Variants in GABRB1 observed in about 807,000 individuals in gnomAD.
GABRB1 encodes gamma-aminobutyric acid receptor subunit beta-1.
In GABRB1, 17 loss-of-function variants were observed where a neutral mutation model predicts 51.6. That is an observed-to-expected ratio of 0.33 (90% CI 0.23 to 0.49). The LOEUF is 0.49. Ranked by LOEUF, GABRB1 falls within the 20% of genes least tolerant of loss-of-function variation. GABRB1 has a pLI of 0.99. For synonymous variants in GABRB1, 247 were observed against 218.9 expected, an observed-to-expected ratio of 1.13 and a Z score of -1.14; for missense variants, 410 against 600.6, an observed-to-expected ratio of 0.68 and a Z score of 3.32.
chr4:47,079,847 G>A, intron 3 of GABRB1, among the ~76,000 whole-genome samples: 1 of 106,512 alleles, frequency 9.4e-6, no homozygotes, highest in Non-Finnish European at 1.7e-5. Context: ...GGGGCCTGTT[G>A]TGGGGTGGGG....
chr4:47,140,131 CACACACACACAA>C (rs1257762261), intron 3 of GABRB1, among the ~76,000 whole-genome samples: 2 of 146,684 alleles, frequency 1.4e-5, no homozygotes, highest in Admixed American at 1.4e-4. Flanking sequence ...CACACACACA[CACACACACACAA>C]GATTCCAAAG....
chr4:47,313,923 T>A (rs946699985), intron 4 of GABRB1, among the ~76,000 whole-genome samples: 12 of 152,104 alleles, frequency 7.9e-5, no homozygotes, highest in Admixed American at 7.9e-4. Flanking sequence ...TAATTCAAGT[T>A]AGACCAGTGA....
At chr4:47,163,311 G>C (rs1718041218) in intron 4 of GABRB1, among the ~76,000 whole-genome samples, 1 of 151,906 alleles carries the variant, frequency 6.6e-6, no homozygotes, top group Admixed American at 6.6e-5. Context: ...GCCTTATATA[G>C]CCTTATTAGG....
intron 3 of GABRB1, among the ~76,000 whole-genome samples, chr4:47,129,258 TTC>T (rs1196359309): frequency 6.6e-6 from 1 of 152,144 alleles, no homozygotes; most frequent in Non-Finnish European, 1.5e-5. Context: ...AAACAGAGCC[TTC>T]TTTTAAAGCA....
intron 3 of GABRB1, among the ~76,000 whole-genome samples, chr4:47,119,160 G>A (rs1715636555): frequency 6.6e-6 from 1 of 152,090 alleles, no homozygotes; most frequent in African/African-American, 2.4e-5. Context: ...GGCATAGAAT[G>A]GAGAGAGAAT....
intron 3 of GABRB1, among the ~76,000 whole-genome samples, chr4:47,126,157 G>A (rs1320698626): frequency 6.6e-6 from 1 of 151,944 alleles, no homozygotes; most frequent in Non-Finnish European, 1.5e-5. Context: ...GAACCTAGAG[G>A]AAATTATACT....
chr4:47,076,298 G>A (rs1387737071), intron 3 of GABRB1, among the ~76,000 whole-genome samples: 4 of 152,346 alleles, frequency 2.6e-5, no homozygotes, highest in East Asian at 3.9e-4. Context: ...TAACTGACTT[G>A]CATGGGGGTT....
intron 3 of GABRB1, among the ~76,000 whole-genome samples, chr4:47,089,247 T>G (rs1728199355): frequency 6.6e-6 from 1 of 152,164 alleles, no homozygotes; most frequent in African/African-American, 2.4e-5. Flanking sequence ...GTCCTTAGAT[T>G]TTACTACCGA....
chr4:47,394,073 A>C (rs1728098466), intron 5 of GABRB1, among the ~76,000 whole-genome samples: 1 of 152,212 alleles, frequency 6.6e-6, no homozygotes, highest in Non-Finnish European at 1.5e-5. Context: ...TGTGGCAGAG[A>C]AGAGTCAGCA....
At chr4:47,359,888 C>T (rs866174368) in intron 5 of GABRB1, among the ~76,000 whole-genome samples, 5 of 151,920 alleles carry the variant, frequency 3.3e-5, no homozygotes, top group South Asian at 2.1e-4. Context: ...GAATATTAAT[C>T]CCTATACAAA....
At chr4:47,287,145 G>C (rs1456173428) in intron 4 of GABRB1, among the ~76,000 whole-genome samples, 1 of 152,214 alleles carries the variant, frequency 6.6e-6, no homozygotes, top group Non-Finnish European at 1.5e-5. Flanking sequence ...GAGAGAGAGA[G>C]AGAGATGTAT....
chr4:47,259,973 A>G (rs904693092), intron 4 of GABRB1, among the ~76,000 whole-genome samples: 5 of 140,472 alleles, frequency 3.6e-5, no homozygotes, highest in African/African-American at 1.4e-4. Flanking sequence ...GTCTCTTTGT[A>G]GGTCACTAAG....
chr4:47,050,677 AT>A (rs1329395233), intron 3 of GABRB1, among the ~76,000 whole-genome samples: 11 of 152,004 alleles, frequency 7.2e-5, no homozygotes, highest in Middle Eastern at 3.2e-3. Context: ...TTTTTCCTGG[AT>A]TTTCCCTGTT....
intron 3 of GABRB1, among the ~76,000 whole-genome samples, chr4:47,138,530 G>A (rs1231751111): frequency 6.6e-6 from 1 of 152,028 alleles, no homozygotes; most frequent in Non-Finnish European, 1.5e-5. Context: ...GACTATTTGA[G>A]ACATAAACAT....
chr4:47,017,692 T>C (rs550246086), intron 1 of GABRB1, among the ~76,000 whole-genome samples: 1 of 152,184 alleles, frequency 6.6e-6, no homozygotes, highest in African/African-American at 2.4e-5. Context: ...CTCTGAAATA[T>C]TGTCAAGATA....
At chr4:47,331,865 T>C (rs1725497533) in intron 5 of GABRB1, among the ~76,000 whole-genome samples, 1 of 152,200 alleles carries the variant, frequency 6.6e-6, no homozygotes, top group South Asian at 2.1e-4. Context: ...CAAAAATCTG[T>C]AGAGGTTTGA....
In GABRB1 at chr4:47,425,825, G is replaced by T. The variant is rs867811295; in HGVS notation, c.1232G>T (p.Arg411Leu). The T allele has an allele frequency of 5.0e-6, 8 of 1,614,046 alleles. No individual in the cohort carries two copies. In the African/African-American group the frequency reaches 6.7e-5, roughly 13 times the overall value. ...SIQYRKPLSS[R>L]EAYGRALDRH... ...CAGTACCGCAAGCCCCTGAGCAGCC[G>T]CGAGGCCTACGGGCGCGCCCTGGAC... The change falls in exon 9 of 9, where the codon CGC becomes CTC. Residue 411 changes from arginine (R) to leucine (L), a missense_variant. This residue lies in a region of GABRB1 where 181 missense variants were observed against 195.6 expected (regional missense o/e 0.93). Coordinates refer to ENST00000295454, the MANE Select transcript of GABRB1 (RefSeq NM_000812.4).
At chr4:47,198,064 TATATTGCCTGGCAGC>T (rs1175441430) in intron 4 of GABRB1, among the ~76,000 whole-genome samples, 1 of 152,168 alleles carries the variant, frequency 6.6e-6, no homozygotes, top group African/African-American at 2.4e-5. Context: ...TGGGGTCAGG[TATATTGCCTGGCAGC>T]AGCATGTTCA....
intron 4 of GABRB1, among the ~76,000 whole-genome samples, chr4:47,227,455 A>T (rs1720983033): frequency 6.6e-6 from 1 of 152,158 alleles, no homozygotes; most frequent in South Asian, 2.1e-4. Flanking sequence ...CAGGAAGTTT[A>T]TTGAGGTGCT....
Sources: gnomAD v4.1 joint callset for allele counts (sites outside exome capture counted in the v4.1 genomes callset) on GRCh38, gnomAD v4.1.1 for gene constraint, gnomAD v4.1.1 regional missense constraint, MANE v1.5 for transcripts, NCBI Gene and HGNC (gene_info 2026-07-23, HGNC 2026-07-21) for gene names.